The following ZC3HAV1L variants were observed in gnomAD, a reference collection of about 807,000 sequenced individuals.
ZC3HAV1L encodes the protein zinc finger CCCH-type antiviral protein 1-like.
In ZC3HAV1L, 23 loss-of-function variants were observed where a neutral mutation model predicts 28.2. The ratio of observed to expected loss-of-function variants is 0.82; its 90% CI spans 0.59 to 1.16. The LOEUF is 1.16. Among genes scored for constraint, ZC3HAV1L ranks in the 50% most tolerant of loss-of-function variants. ZC3HAV1L has a pLI of 0.00. For missense variants in ZC3HAV1L, 376 were observed against 387.7 expected (o/e 0.97, Z 0.25); for synonymous variants, 180 against 163.4 (o/e 1.10, Z -0.78).
intron 1 of ZC3HAV1L, chr7:139,035,404 G>A (rs949308793): frequency 1.0e-6 from 1 of 985,108 alleles, no homozygotes; most frequent in Non-Finnish European, 1.2e-6. Context: ...GGGGGGGCGG[G>A]CGGGGGCAGC....
At chr7:139,033,777 TAGC>T in intron 2 of ZC3HAV1L, 1 of 985,352 alleles carries the variant, frequency 1.0e-6, no homozygotes, top group African/African-American at 1.7e-5. Flanking sequence ...AAAAGGCAAA[TAGC>T]AGCGGCACCA....
intron 2 of ZC3HAV1L, among the ~76,000 whole-genome samples, chr7:139,030,706 C>G (rs545104757): frequency 6.7e-6 from 1 of 149,370 alleles, no homozygotes; most frequent in South Asian, 2.1e-4. Flanking sequence ...ACCTGTAATC[C>G]CAGCTGCTTG....
At chr7:139,028,551 G>T in intron 3 of ZC3HAV1L, 151 bp downstream of exon 3, 2 of 1,056,134 alleles carry the variant, frequency 1.9e-6, no homozygotes, top group Non-Finnish European at 2.7e-6. Flanking sequence ...AATGTTGCCT[G>T]TTCTAAACTT....
At chr7:139,032,855 TTTTA>T (rs1324458555) in intron 2 of ZC3HAV1L, among the ~76,000 whole-genome samples, 2 of 152,030 alleles carry the variant, frequency 1.3e-5, no homozygotes, top group African/African-American at 2.4e-5. Context: ...AATATAAAAT[TTTTA>T]TTTGTCAACT....
chr7:139,026,752 G>A lies in ZC3HAV1L; in HGVS notation c.842C>T (p.Pro281Leu), dbSNP rs1331262544. Reference protein sequence around the residue: ...VHAAGAAEAGPLASVPAQSAK... With the variant: ...VHAAGAAEAGLLASVPAQSAK... ...CGACTGAGCAGGGACAGAAGCCAGA[G>A]GACCAGCTTCTGCAGCTCCAGCTGC... is the stretch of plus-strand genomic sequence containing the variant. The change falls in exon 4 of 5, where the codon CCT becomes CTT. Residue 281 changes from proline to leucine, a missense_variant. Pro to Leu is a moderately conservative substitution (Grantham distance 98). Coordinates refer to ENST00000275766, the MANE Select transcript of ZC3HAV1L (RefSeq NM_080660.4). The A allele has an allele frequency of 6.2e-7, 1 of 1,614,192 alleles. No individual in the cohort carries two copies. Among genetic ancestry groups the A allele is most frequent in the Non-Finnish European group, 8.5e-7 (1 of 1,180,040 alleles).
intron 1 of ZC3HAV1L, chr7:139,034,987 C>T: frequency 2.0e-6 from 2 of 985,468 alleles, no homozygotes; most frequent in Non-Finnish European, 2.4e-6. Context: ...ACAGCTGCCA[C>T]AGTCCACCAA....
At chr7:139,030,368 C>CGG (rs752276383) in intron 2 of ZC3HAV1L, among the ~76,000 whole-genome samples, 17 of 151,990 alleles carry the variant, frequency 1.1e-4, no homozygotes, top group Admixed American at 8.5e-4. Flanking sequence ...TTACATGAAC[C>CGG]GGGGAGGTGG....
At chr7:139,035,192 G>A (rs1045851307) in intron 1 of ZC3HAV1L, 4 of 985,362 alleles carry the variant, frequency 4.1e-6, no homozygotes, top group Middle Eastern at 5.2e-4. Context: ...GACTGGCTCA[G>A]CGCTGTTAAA....
At chr7:139,030,009 T>C (rs1232967035) in intron 2 of ZC3HAV1L, among the ~76,000 whole-genome samples, 1 of 152,200 alleles carries the variant, frequency 6.6e-6, no homozygotes, top group Non-Finnish European at 1.5e-5. Context: ...TGACATTATA[T>C]GCCTCCTGAT....
chr7:139,027,019 C>T (rs1183340860), intron 3 of ZC3HAV1L, among the ~76,000 whole-genome samples, 186 bp from the exon 4 acceptor site: 4 of 151,948 alleles, frequency 2.6e-5, no homozygotes, highest in Non-Finnish European at 5.9e-5. Context: ...AGAGAGCAAG[C>T]GGAAAGTCAC....
At chr7:139,028,372 CA>C (rs1487970195) in intron 3 of ZC3HAV1L, among the ~76,000 whole-genome samples, 9 of 118,860 alleles carry the variant, frequency 7.6e-5, no homozygotes, top group Admixed American at 8.4e-5. Context: ...GACTCTGTCT[CA>C]AAAAAAAAAA....
chr7:139,033,847 C>T (rs1815610991), intron 2 of ZC3HAV1L: 1 of 985,468 alleles, frequency 1.0e-6, no homozygotes, highest in Non-Finnish European at 1.2e-6. Flanking sequence ...CAGCCACCCT[C>T]CTCTCCCTTC....
At chr7:139,034,497 G>A (rs770277502) in intron 2 of ZC3HAV1L, 46 bp downstream of exon 2, 4 of 1,601,866 alleles carry the variant, frequency 2.5e-6, no homozygotes, top group East Asian at 2.2e-5. Context: ...AATGGGGAAA[G>A]TACTTGTAGC....
downstream of ZC3HAV1L, among the ~76,000 whole-genome samples, chr7:139,025,045 TAC>T (rs767260713): frequency 1.4e-4 from 22 of 152,126 alleles, no homozygotes; most frequent in Non-Finnish European, 2.9e-5. Context: ...GGGTGAGGTA[TAC>T]AGACTTCTGA....
intron 2 of ZC3HAV1L, among the ~76,000 whole-genome samples, chr7:139,030,834 T>TAAA (rs1563115010): frequency 5.3e-4 from 21 of 39,442 alleles, no homozygotes; most frequent in African/African-American, 1.5e-3. Flanking sequence ...ATAATAATAA[T>TAAA]TAATTAATTA....
downstream of ZC3HAV1L, among the ~76,000 whole-genome samples, chr7:139,022,133 C>G (rs1266389995): frequency 1.3e-5 from 2 of 152,072 alleles, no homozygotes; most frequent in Admixed American, 1.3e-4. Flanking sequence ...GAATTATAAT[C>G]ATAAATGTAA....
At position 139,034,561 on chromosome 7, in the gene ZC3HAV1L, G is replaced by A. The variant is rs1179632266; in HGVS notation, c.483C>T (p.Asp161=). Residue 161 remains aspartate (D), a synonymous_variant, in exon 2 of 5, where the codon GAC becomes GAT. Coordinates refer to ENST00000275766, the MANE Select transcript of ZC3HAV1L (RefSeq NM_080660.4). ...GACTCACCTCTGGTAAAAGACAGGG[G>A]TCATTCTGCAAAAGCAGGATCCGAA... The part of the protein sequence containing the change: ...NQLRILLLQN[D]PCLLPEVCLL... 4.3e-6 allele frequency: 7 copies of A among 1,614,058 alleles called. No homozygotes were observed. The highest frequency in any genetic ancestry group is 1.3e-5 in the African/African-American group (1 of 74,922).
intron 1 of ZC3HAV1L, 135 bp downstream of exon 1, chr7:139,035,518 C>A: frequency 3.1e-6 from 4 of 1,311,142 alleles, no homozygotes; most frequent in Non-Finnish European, 2.9e-6. Flanking sequence ...GAAAGGCCTG[C>A]GGGAGGGGGT....
Position 139,026,336 on chromosome 7 carries a change from A to G in ZC3HAV1L, c.*208T>C, listed in dbSNP as rs1371757622. 6 of 621,386 alleles carry G rather than the reference A, an allele frequency of 9.7e-6. No individual in the cohort carries two copies. Among genetic ancestry groups the G allele is most frequent in the Non-Finnish European group, 1.6e-5 (6 of 374,420 alleles). The allele number at this position is 621,386 out of a possible 1,614,324, so 38.5% of individuals were successfully genotyped here. A position where few individuals can be genotyped will look rare whatever the true frequency, so the allele number is the denominator to read the frequency against. ...TGATAGAAAAACAATGGTGGACCAC[A>G]GAAGTCAGCAGAGCTCCATCTACCC... On this transcript the variant is annotated 3_prime_UTR_variant, in exon 5 of 5. Coordinates refer to ENST00000275766, the MANE Select transcript of ZC3HAV1L (RefSeq NM_080660.4).
Sources: allele counts gnomAD v4.1 joint callset (sites outside exome capture counted in the v4.1 genomes callset), GRCh38; gene constraint gnomAD v4.1.1; transcripts MANE v1.5; gene names NCBI Gene and HGNC (gene_info 2026-07-23, HGNC 2026-07-21).